NFAT5: variants seen among roughly 807,000 people sequenced by gnomAD.
NFAT5 encodes the protein nuclear factor of activated T-cells 5.
A neutral mutation model predicts 166.5 loss-of-function variants in NFAT5; 31 were observed. The observed-to-expected ratio is 0.19, with a 90% CI of 0.14 to 0.25. The LOEUF is 0.25. Among genes scored for constraint, NFAT5 ranks in the 10% least tolerant of loss-of-function variants. The pLI is 1.00. For missense variants in NFAT5, 1,449 were observed against 1,821.8 expected, an observed-to-expected ratio of 0.80 and a Z score of 3.72; for synonymous variants, 612 against 639.7, an observed-to-expected ratio of 0.96 and a Z score of 0.65.
At chr16:69,568,746 T>C (rs1437564260) in intron 2 of NFAT5, among the ~76,000 whole-genome samples, 198 bp downstream of exon 2, 3 of 152,198 alleles carry the variant, frequency 2.0e-5, no homozygotes, top group Non-Finnish European at 4.4e-5. Flanking sequence ...TTGGCTGTTC[T>C]ATCTGCTTTG....
At chr16:69,658,069 G>T (rs2035965665) in intron 6 of NFAT5, among the ~76,000 whole-genome samples, 1 of 149,980 alleles carries the variant, frequency 6.7e-6, no homozygotes. Context: ...GGGCGACAGG[G>T]CGAGACTTGT....
chr16:69,665,238 A>G (rs1216092374), intron 7 of NFAT5, among the ~76,000 whole-genome samples: 1 of 151,406 alleles, frequency 6.6e-6, no homozygotes, highest in Non-Finnish European at 1.5e-5. Flanking sequence ...AACTGGAAGC[A>G]TTCCCTTTGA....
chr16:69,621,253 TAA>T (rs74847444), intron 2 of NFAT5, among the ~76,000 whole-genome samples: 3 of 143,922 alleles, frequency 2.1e-5, no homozygotes, highest in Non-Finnish European at 3.1e-5. Flanking sequence ...TCTCTTCCTT[TAA>T]AAAAAAAAAA....
chr16:69,589,647 A>C (rs376081700), intron 2 of NFAT5, among the ~76,000 whole-genome samples: 1 of 152,154 alleles, frequency 6.6e-6, no homozygotes, highest in Non-Finnish European at 1.5e-5. Flanking sequence ...TGCAGTGTCT[A>C]CCTCAGGATG....
At chr16:69,567,153 C>G (rs542470446) in intron 1 of NFAT5, among the ~76,000 whole-genome samples, 1 of 152,310 alleles carries the variant, frequency 6.6e-6, no homozygotes, top group Admixed American at 6.5e-5. Context: ...CAGGCACAGA[C>G]GCTGTCCTTT....
Position 69,659,889 on chromosome 16 carries a change from A to G in NFAT5, c.1359A>G (p.Pro453=), listed in dbSNP as rs772261647. The G allele has an allele frequency of 1.2e-5, 19 of 1,603,980 alleles. No homozygotes were observed. Among genetic ancestry groups the G allele is most frequent in the African/African-American group, 6.7e-5 (5 of 74,678 alleles). Residue 453 remains proline (P), a synonymous_variant, in exon 7 of 15, where the codon CCA becomes CCG. Transcript: ENST00000349945. The part of the protein sequence containing the change: ...STLTLQTPSS[P]ILCTQPAGVP... ...TGACACTGCAAACACCCTCTTCTCC[A>G]ATTTTGTGTAGTAAGTAAGAAGATA...
At chr16:69,677,621 T>G (rs1358178436) in intron 10 of NFAT5, among the ~76,000 whole-genome samples, 1 of 152,306 alleles carries the variant, frequency 6.6e-6, no homozygotes, top group East Asian at 1.9e-4. Flanking sequence ...CCATAAGAAT[T>G]TCCATGCATT....
rs2032272476 is a variant in NFAT5, at chr16:69,588,933, T to A, written c.127+20385T>A. On this transcript the variant is annotated intron_variant, in intron 2 of 14. Transcript: ENST00000349945. ...TGGAAAGAAAGACCAGGGCATTACA[T>A]GCAGGGTCCTTCTTGGTGTTGGACC... is the stretch of plus-strand genomic sequence containing the variant. 2.0e-5 allele frequency among the ~76,000 whole-genome samples: 3 copies of A among 150,466 alleles called. No individual in the cohort carries two copies. In the South Asian group the frequency reaches 6.4e-4, roughly 32 times the overall value.
chr16:69,660,860 G>A (rs2036096504), intron 7 of NFAT5, among the ~76,000 whole-genome samples: 1 of 151,510 alleles, frequency 6.6e-6, no homozygotes, highest in Non-Finnish European at 1.5e-5. Flanking sequence ...CCAGGCTGGA[G>A]TGCAATGGTG....
In NFAT5 at chr16:69,647,676, A is replaced by C; in HGVS notation, c.812+90A>C. On this transcript the variant is annotated intron_variant, in intron 4 of 14. Coordinates refer to ENST00000349945, the MANE Select transcript of NFAT5 (RefSeq NM_138713.4). This position sits in a 1 kb window ranked among gnomAD's most constrained non-coding sequence, Gnocchi z 4.8. Reference sequence around the variant, plus strand: ...CCAATTTTTCCTAATTGCTGAGCTCAAGTTTGCATATAAAGCAACAGTGCT... The same window carrying C: ...CCAATTTTTCCTAATTGCTGAGCTCCAGTTTGCATATAAAGCAACAGTGCT... 32 of 1,190,078 alleles carry C rather than the reference A, an allele frequency of 2.7e-5. No homozygotes were observed. Among genetic ancestry groups the C allele is most frequent in the African/African-American group, 3.1e-5 (2 of 65,222 alleles). 73.7% of individuals were successfully genotyped at this position (1,190,078 alleles called of 1,614,324 possible).
chr16:69,566,194 T>A lies in NFAT5; in HGVS notation c.-108T>A, dbSNP rs984785742. The A allele has an allele frequency of 1.1e-6, 1 of 942,074 alleles. No individual in the cohort carries two copies. Among genetic ancestry groups the A allele is most frequent in the African/African-American group, 1.7e-5 (1 of 57,806 alleles). The allele number at this position is 942,074 out of a possible 1,614,324, so 58.4% of individuals were successfully genotyped here. ...GAGGAGGAGGCAGCGGCAGCCGCCC[T>A]CGCGTCGCCGCCCCCGGTTCGGTGC... On this transcript the variant is annotated 5_prime_UTR_variant, in exon 1 of 15. Transcript: ENST00000349945. The surrounding 1 kb of genome is among the most constrained non-coding windows in gnomAD (Gnocchi z 5.7).
At chr16:69,577,049 T>C (rs1190226415) in intron 2 of NFAT5, among the ~76,000 whole-genome samples, 2 of 152,226 alleles carry the variant, frequency 1.3e-5, no homozygotes, top group Non-Finnish European at 1.5e-5. Context: ...GCTATGTGAA[T>C]AGTGGTATTT....
rs557483217 is a variant in NFAT5 at position 69,669,963 on chromosome 16, A to G, written c.1370-14A>G. The G allele has an allele frequency of 2.7e-5, 42 of 1,560,604 alleles. No homozygotes were observed. In the South Asian group the frequency reaches 4.8e-4, roughly 18 times the overall value. ...TGGTGGTTCTTCTTATAGAATGCTTATGTATCTCCACAGCTCAGCCAGCAG... is the reference window on the plus strand; with the variant it reads ...TGGTGGTTCTTCTTATAGAATGCTTGTGTATCTCCACAGCTCAGCCAGCAG... On this transcript the variant is annotated splice_polypyrimidine_tract_variant and intron_variant, in intron 7 of 14. Transcript: ENST00000349945.
At chr16:69,600,761 A>G (rs755763274) in intron 2 of NFAT5, among the ~76,000 whole-genome samples, 327 of 9,782 alleles carry the variant, frequency 0.033, 2 homozygotes, top group South Asian at 0.075. Flanking sequence ...GAATACTTTG[A>G]AAAAAAAAAA....
chr16:69,640,289 C>CT (rs2035146870), intron 3 of NFAT5, among the ~76,000 whole-genome samples: 1 of 152,096 alleles, frequency 6.6e-6, no homozygotes, highest in Non-Finnish European at 1.5e-5. Flanking sequence ...TTCATAAGTC[C>CT]TTCTTTCTTT....
At chr16:69,676,664 A>C (rs2036845521) in intron 9 of NFAT5, among the ~76,000 whole-genome samples, 1 of 152,140 alleles carries the variant, frequency 6.6e-6, no homozygotes, top group Non-Finnish European at 1.5e-5. Context: ...AAACAAGCAA[A>C]TAGGGTAATT....
At chr16:69,567,707 G>A (rs1458919574) in intron 1 of NFAT5, among the ~76,000 whole-genome samples, 1 of 152,048 alleles carries the variant, frequency 6.6e-6, no homozygotes, top group East Asian at 1.9e-4. Context: ...AATGACTTTA[G>A]TTGGCAGCCA....
At chr16:69,619,317 C>T (rs532936740) in intron 2 of NFAT5, among the ~76,000 whole-genome samples, 10 of 152,184 alleles carry the variant, frequency 6.6e-5, no homozygotes, top group East Asian at 3.9e-4. Context: ...GTGCTCTATC[C>T]GTGTATAGCC....
chr16:69,685,028 G>C (rs2037230661), intron 11 of NFAT5, 58 bp downstream of exon 11: 1 of 1,134,950 alleles, frequency 8.8e-7, no homozygotes, highest in African/African-American at 1.6e-5. Context: ...GTTTTCTCTA[G>C]CACACCTTAC....
Sources: gnomAD v4.1 joint callset for allele counts (sites outside exome capture counted in the v4.1 genomes callset) on GRCh38, gnomAD v4.1.1 for gene constraint, Gnocchi (gnomAD v3.1) non-coding constraint, MANE v1.5 for transcripts, NCBI Gene and HGNC (gene_info 2026-07-23, HGNC 2026-07-21) for gene names.